AEBP1: variants seen among roughly 807,000 people sequenced by gnomAD.
AEBP1 encodes the protein AE binding protein 1.
AEBP1 carries 69 observed loss-of-function variants against 116.5 expected under a neutral mutation model. The ratio of observed to expected loss-of-function variants is 0.59; its 90% CI spans 0.49 to 0.72. The LOEUF (loss-of-function observed/expected upper bound fraction) is 0.72. Among genes scored for constraint, AEBP1 ranks in the 30% least tolerant of loss-of-function variants. The pLI, the probability that AEBP1 is intolerant of heterozygous loss-of-function variation, is 0.00. For missense variants in AEBP1, 1,444 were observed against 1,557.5 expected (o/e 0.93, Z 1.23); for synonymous variants, 627 against 627.3 (o/e 1.00, Z 0.01).
At chr7:44,109,375 G>GC in intron 9 of AEBP1, 34 bp downstream of exon 9, 90 of 752,192 alleles carry the variant, frequency 1.2e-4, no homozygotes, top group Non-Finnish European at 1.7e-4. Context: ...GAGGGTGGGG[G>GC]CCACAGGATG....
In AEBP1 at chr7:44,108,702, C is replaced by T. The variant is rs987414315; in HGVS notation, c.941-197C>T. 3.3e-5 allele frequency among the ~76,000 whole-genome samples: 5 copies of T among 152,202 alleles called. 1 individual carries two copies. In the South Asian group the frequency reaches 8.3e-4, roughly 25 times the overall value. Reference sequence around the variant, plus strand: ...TCCTGGAAGGCCGGGCTGGTGACTTCAGCAGGGTCTTGCTCAGCTGCCCCT... The same window carrying T: ...TCCTGGAAGGCCGGGCTGGTGACTTTAGCAGGGTCTTGCTCAGCTGCCCCT... On this transcript the variant is annotated intron_variant, in intron 6 of 20. Transcript: ENST00000223357. The surrounding 1 kb of genome is among the most constrained non-coding windows in gnomAD (Gnocchi z 5.0).
At position 44,108,858 on chromosome 7, in the gene AEBP1, G is replaced by T; in HGVS notation, c.941-41G>T. 2 of 1,537,426 alleles carry T rather than the reference G, an allele frequency of 1.3e-6. No individual in the cohort carries two copies. The highest frequency in any genetic ancestry group is 1.8e-6 in the Non-Finnish European group (2 of 1,134,904). On this transcript the variant is annotated intron_variant, in intron 6 of 20. Transcript: ENST00000223357. This position sits in a 1 kb window ranked among gnomAD's most constrained non-coding sequence, Gnocchi z 5.0. ...TGGACCCAGGAGCTGAGGCCCCGCA[G>T]CAGGGTCAGGGCAGCCTCAGCTGGC...
chr7:44,106,954 G>C, intron 2 of AEBP1, 67 bp downstream of exon 2: 2 of 1,284,508 alleles, frequency 1.6e-6, no homozygotes. Flanking sequence ...CAGGGAGTGG[G>C]AGGCAGGTTT....
At position 44,112,188 on chromosome 7, in the gene AEBP1, G is replaced by A; in HGVS notation, c.2084G>A (p.Gly695Asp). Residue 695 changes from glycine to aspartate, a missense_variant, in exon 17 of 21, where the codon GGC becomes GAC. Coordinates refer to ENST00000223357, the MANE Select transcript of AEBP1 (RefSeq NM_001129.5). This position sits in a 1 kb window ranked among gnomAD's most constrained non-coding sequence, Gnocchi z 6.6. ...NWALGLWTEE[G>D]FDIFEDFPDL... ...GCGCTGGGACTGTGGACTGAGGAGGGCTTTGACATCTTTGAAGATTTCCCG... is the reference window on the plus strand; with the variant it reads ...GCGCTGGGACTGTGGACTGAGGAGGACTTTGACATCTTTGAAGATTTCCCG... The A allele has an allele frequency of 6.2e-7, 1 of 1,607,776 alleles. No homozygotes were observed. Among genetic ancestry groups the A allele is most frequent in the Non-Finnish European group, 8.5e-7 (1 of 1,175,004 alleles).
intron 1 of AEBP1, 146 bp downstream of exon 1, chr7:44,105,064 G>A: frequency 1.2e-6 from 1 of 807,450 alleles, no homozygotes; most frequent in South Asian, 1.9e-5. Flanking sequence ...ATGCCTGGAG[G>A]GACCCTGTGC....
chr7:44,110,072 C>T lies in AEBP1; in HGVS notation c.1208C>T (p.Ser403Phe), dbSNP rs1198550027. 6.2e-7 allele frequency: 1 copy of T among 1,613,122 alleles called. No homozygotes were observed. Among genetic ancestry groups the T allele is most frequent in the Non-Finnish European group, 8.5e-7 (1 of 1,180,000 alleles). ...HRIEDNQIRA[S>F]SMLRHGLGAQ... ...ATTGAGGACAACCAGATCCGAGCCT[C>T]CTCCATGCTGCGCCACGGCCTGGGG... The change falls in exon 10 of 21, where the codon TCC (serine) becomes TTC (phenylalanine). Residue 403 changes from serine (S) to phenylalanine (F), a missense_variant. Coordinates refer to ENST00000223357, the MANE Select transcript of AEBP1 (RefSeq NM_001129.5).
rs748762484 is a variant in AEBP1 at position 44,111,495 on chromosome 7, C to T, written c.1717-12C>T. 7 of 1,571,924 alleles carry T rather than the reference C, an allele frequency of 4.5e-6. No homozygotes were observed. Among genetic ancestry groups the T allele is most frequent in the African/African-American group, 2.7e-5 (2 of 73,474 alleles). The stretch of plus-strand genomic sequence containing the variant: ...TGCATGATTGATTCCACGTCCTCCC[C>T]CTCTGCCCCAGCTCATGAAGGTGGT... On this transcript the variant is annotated splice_polypyrimidine_tract_variant and intron_variant, in intron 14 of 20. Coordinates refer to ENST00000223357, the MANE Select transcript of AEBP1 (RefSeq NM_001129.5). The surrounding 1 kb of genome is among the most constrained non-coding windows in gnomAD (Gnocchi z 4.7).
At position 44,108,029 on chromosome 7, in the gene AEBP1, GC is replaced by G; in HGVS notation, c.890del (p.Pro297ArgfsTer11). 2 of 1,594,346 alleles carry G rather than the reference GC, an allele frequency of 1.3e-6. No homozygotes were observed. Among genetic ancestry groups the G allele is most frequent in the Admixed American group, 1.7e-5 (1 of 57,830 alleles). On this transcript the variant is annotated frameshift_variant, in exon 6 of 21. Transcript: ENST00000223357. LOFTEE classifies it high-confidence loss of function. This position sits in a 1 kb window ranked among gnomAD's most constrained non-coding sequence, Gnocchi z 5.0. ...CAGAGCCTCCTGTGAAGCCTCTGCT[GC>G]CCCCGCTGCCCCCTGACTATGGTGA... ...RIEPPVKPLL[P>X]PLPPDYGDGY... is the part of the protein sequence containing the mutation.
At position 44,112,789 on chromosome 7, in the gene AEBP1, A is replaced by G. The variant is rs1443459761; in HGVS notation, c.2449A>G (p.Ile817Val). 4.3e-6 allele frequency: 7 copies of G among 1,612,560 alleles called. No individual in the cohort carries two copies. The Admixed American group carries it at 5.0e-5, about 12-fold the overall frequency. Residue 817 changes from isoleucine to valine, a missense_variant, in exon 18 of 21, where the codon ATC becomes GTC. Transcript: ENST00000223357. The surrounding 1 kb of genome is among the most constrained non-coding windows in gnomAD (Gnocchi z 6.6). ...PDHAIFRWLA[I>V]SFASAHLTLT... The stretch of plus-strand genomic sequence containing the variant: ...CCACGCCATCTTCCGGTGGCTTGCC[A>G]TCTCCTTCGCCTCCGCACACCTCAC...
chr7:44,107,050 G>A lies in AEBP1; in HGVS notation c.595+163G>A, dbSNP rs996973202. Reference sequence around the variant, plus strand: ...ATAAATTTCACAATTTGATTGGTGGGCTCCCTCAGTGCTGTAGCCTCTTTT... The same window carrying A: ...ATAAATTTCACAATTTGATTGGTGGACTCCCTCAGTGCTGTAGCCTCTTTT... On this transcript the variant is annotated intron_variant, in intron 2 of 20. Coordinates refer to ENST00000223357, the MANE Select transcript of AEBP1 (RefSeq NM_001129.5). This position sits in a 1 kb window ranked among gnomAD's most constrained non-coding sequence, Gnocchi z 4.3. Among the ~76,000 whole-genome samples the A allele has an allele frequency of 2.6e-5, 4 of 152,232 alleles. No individual in the cohort carries two copies. The highest frequency in any genetic ancestry group is 6.5e-5 in the Admixed American group (1 of 15,290).
chr7:44,109,131 G>T lies in AEBP1; in HGVS notation c.1043G>T (p.Ser348Ile), dbSNP rs762428536. 4 of 1,613,564 alleles carry T rather than the reference G, an allele frequency of 2.5e-6. No individual in the cohort carries two copies. The highest frequency in any genetic ancestry group is 3.3e-5 in the Admixed American group (2 of 59,998). Residue 348 changes from serine to isoleucine, a missense_variant, in exon 8 of 21, where the codon AGC becomes ATC. Transcript: ENST00000223357. ...GAGAAACCCAAAAAGGAGGACAGCA[G>T]CCCCAAGGAGGAGACCGACAAGTGG... The part of the protein sequence containing the change: ...ELKKPKKEDS[S>I]PKEETDKWAV...
In AEBP1 at chr7:44,110,207, A is replaced by T. The variant is rs1443597794; in HGVS notation, c.1261A>T (p.Thr421Ser). ...GAQRGRLNMQ[T>S]GATEDDYYDG... ...TCAGCCTCCCCTGCCCCCTGGACAG[A>T]CCGGTGCCACTGAGGACGACTACTA... Residue 421 changes from threonine (T) to serine (S), a missense_variant and splice_region_variant, in exon 11 of 21, where the codon ACC becomes TCC. Coordinates refer to ENST00000223357, the MANE Select transcript of AEBP1 (RefSeq NM_001129.5). 2 of 1,613,476 alleles carry T rather than the reference A, an allele frequency of 1.2e-6. No homozygotes were observed. Among genetic ancestry groups the T allele is most frequent in the East Asian group, 4.5e-5 (2 of 44,898 alleles).
rs767199049 is a variant in AEBP1, at chr7:44,109,289, G to T, written c.1098G>T (p.Glu366Asp). ...WAVEKGKDHK[E>D]PRKGEELEEE... Reference sequence around the variant, plus strand: ...ATGTCCTCCCTTCATTGTCCCTAGAGCCCCGAAAGGGCGAGGAGTTGGAGG... The same window carrying T: ...ATGTCCTCCCTTCATTGTCCCTAGATCCCCGAAAGGGCGAGGAGTTGGAGG... Residue 366 changes from glutamate (E) to aspartate (D), a missense_variant and splice_region_variant, in exon 9 of 21, where the codon GAG becomes GAT. Coordinates refer to ENST00000223357, the MANE Select transcript of AEBP1 (RefSeq NM_001129.5). 6.6e-7 allele frequency: 1 copy of T among 1,522,068 alleles called. No individual in the cohort carries two copies. The highest frequency in any genetic ancestry group is 8.9e-7 in the Non-Finnish European group (1 of 1,124,904). The allele number at this position is 1,522,068 out of a possible 1,614,324, so 94.3% of individuals were successfully genotyped here. A position where few individuals can be genotyped will look rare whatever the true frequency, so the allele number is the denominator to read the frequency against.
chr7:44,109,314 G>A lies in AEBP1; in HGVS notation c.1123G>A (p.Glu375Lys), dbSNP rs1013989568. Residue 375 changes from glutamate (E) to lysine (K), a missense_variant, in exon 9 of 21, where the codon GAG (glutamate) becomes AAG (lysine). Physicochemically the swap from Glu to Lys is moderately conservative, Grantham distance 56 (BLOSUM62 1). Transcript: ENST00000223357. Reference sequence around the variant, plus strand: ...GCCCCGAAAGGGCGAGGAGTTGGAGGAGGAGTGGACGCCTACGGAGAAAGT... The same window carrying A: ...GCCCCGAAAGGGCGAGGAGTTGGAGAAGGAGTGGACGCCTACGGAGAAAGT... ...KEPRKGEELE[E>K]EWTPTEKVKC... is the part of the protein sequence containing the mutation. 6.2e-7 allele frequency: 1 copy of A among 1,605,120 alleles called. No homozygotes were observed. The highest frequency in any genetic ancestry group is 1.3e-5 in the African/African-American group (1 of 74,642).
At chr7:44,109,375 G>GCCACAGGGGGGGGGGGGGGGGGC in intron 9 of AEBP1, 34 bp downstream of exon 9, 1 of 752,346 alleles carries the variant, frequency 1.3e-6, no homozygotes, top group Middle Eastern at 3.9e-4. Context: ...GAGGGTGGGG[G>GCCACAGGGGGGGGGGGGGGGGGC]CCACAGGATG....
chr7:44,105,052 A>C, intron 1 of AEBP1, 134 bp downstream of exon 1: 1 of 816,738 alleles, frequency 1.2e-6, no homozygotes, highest in Non-Finnish European at 1.9e-6. Context: ...ACGCGAGCCC[A>C]GATGCCTGGA....
In AEBP1 at chr7:44,104,928, C is replaced by T. The variant is rs2096221445; in HGVS notation, c.253+10C>T. 1 of 1,530,194 alleles carries T rather than the reference C, an allele frequency of 6.5e-7. No homozygotes were observed. The highest frequency in any genetic ancestry group is 8.8e-7 in the Non-Finnish European group (1 of 1,136,544). 94.8% of individuals were successfully genotyped at this position (1,530,194 alleles called of 1,614,324 possible). On this transcript the variant is annotated intron_variant, in intron 1 of 20. Coordinates refer to ENST00000223357, the MANE Select transcript of AEBP1 (RefSeq NM_001129.5). ...GGGACGGCCGCAGAAGGTAAGAGCC[C>T]AGGGCAGGGCGGGGGTGTGGGGGGC...
chr7:44,108,970 G>A lies in AEBP1; in HGVS notation c.1012G>A (p.Glu338Lys). 25 of 1,604,944 alleles carry A rather than the reference G, an allele frequency of 1.6e-5. No individual in the cohort carries two copies. Among genetic ancestry groups the A allele is most frequent in the Non-Finnish European group, 2.0e-5 (24 of 1,176,352 alleles). Reference sequence around the variant, plus strand: ...GCGCCAGACAGACGAAGAGAAGGAGGAGCTGAGTGAGTGGGACCAAGGACT... The same window carrying A: ...GCGCCAGACAGACGAAGAGAAGGAGAAGCTGAGTGAGTGGGACCAAGGACT... ...AERQTDEEKE[E>K]LKKPKKEDSS... The change falls in exon 7 of 21, where the codon GAG (glutamate) becomes AAG (lysine). Residue 338 changes from glutamate to lysine, a missense_variant. Transcript: ENST00000223357. This position sits in a 1 kb window ranked among gnomAD's most constrained non-coding sequence, Gnocchi z 5.0.
intron 1 of AEBP1, among the ~76,000 whole-genome samples, chr7:44,105,639 G>A (rs978032009): frequency 6.6e-6 from 1 of 151,878 alleles, no homozygotes; most frequent in African/African-American, 2.4e-5. Context: ...TTTCCTGGCT[G>A]CTTCCCACAC....
Sources: allele counts gnomAD v4.1 joint callset (sites outside exome capture counted in the v4.1 genomes callset), GRCh38; gene constraint gnomAD v4.1.1; non-coding constraint Gnocchi (gnomAD v3.1); transcripts MANE v1.5; gene names NCBI Gene and HGNC (gene_info 2026-07-23, HGNC 2026-07-21).